The following PCDHGC5 variants were observed in gnomAD, a reference collection of about 807,000 sequenced individuals.
PCDHGC5 encodes the protein protocadherin gamma subfamily C, 5.
A neutral mutation model predicts 59.0 loss-of-function variants in PCDHGC5; 25 were observed. The ratio of observed to expected loss-of-function variants is 0.42; its 90% CI spans 0.31 to 0.59. The LOEUF is 0.59. PCDHGC5 is among the 20% of genes least tolerant of loss of function. The probability of loss-of-function intolerance (pLI) is 0.13; values close to 1 mark genes in which losing one functional copy is unlikely to be tolerated. For synonymous variants in PCDHGC5, 434 were observed against 505.5 expected (o/e 0.86, Z 1.90); for missense variants, 1,067 against 1,206.4 (o/e 0.88, Z 1.71).
intron 2 of PCDHGC5, among the ~76,000 whole-genome samples, chr5:141,499,209 C>G (rs1171702973): frequency 6.6e-6 from 1 of 152,096 alleles, no homozygotes; most frequent in Admixed American, 6.5e-5. Context: ...GGCTGTAACC[C>G]AGGCCCTGCC....
rs141034739 is a variant in PCDHGC5 at position 141,491,100 on chromosome 5, C to T, written c.1860C>T (p.Leu620=). The T allele has an allele frequency of 2.7e-4, 430 of 1,614,138 alleles. No homozygotes were observed. The African/African-American group carries it at 4.7e-3, about 18-fold the overall frequency. ...LPQSTAPGLF[L]VSTHTGEVRT... is the part of the protein sequence containing the mutation. ...AGTCCACAGCCCCAGGACTGTTCCT[C>T]GTGTCTACACACACTGGTGAGGTGC... The change falls in exon 1 of 4, where the codon CTC becomes CTT. Residue 620 remains leucine (L), a synonymous_variant. Transcript: ENST00000252087. The surrounding 1 kb of genome is among the most constrained non-coding windows in gnomAD (Gnocchi z 6.9).
In PCDHGC5 at chr5:141,490,682, C is replaced by T. The variant is rs1286126848; in HGVS notation, c.1442C>T (p.Pro481Leu). Residue 481 changes from proline to leucine, a missense_variant, in exon 1 of 4, where the codon CCA becomes CTA. Coordinates refer to ENST00000252087, the MANE Select transcript of PCDHGC5 (RefSeq NM_018929.3). The surrounding 1 kb of genome is among the most constrained non-coding windows in gnomAD (Gnocchi z 5.4). ...CTTTGCACTGTGGCTGCCTCAGATC[C>T]AGACACTGGGGATAATGCCCGCCTC... ...SLLCTVAASD[P>L]DTGDNARLTY... 10 of 1,614,054 alleles carry T rather than the reference C, an allele frequency of 6.2e-6. No homozygotes were observed. The highest frequency in any genetic ancestry group is 3.3e-5 in the Admixed American group (2 of 60,008).
At chr5:141,509,096 T>C (rs1364889034) in intron 3 of PCDHGC5, among the ~76,000 whole-genome samples, 1 of 152,124 alleles carries the variant, frequency 6.6e-6, no homozygotes, top group African/African-American at 2.4e-5. Context: ...ATGGGGGCTG[T>C]AGAAACCTGA....
chr5:141,491,316 T>C lies in PCDHGC5; in HGVS notation c.2076T>C (p.Leu692=). The C allele has an allele frequency of 3.1e-6, 5 of 1,614,176 alleles. No homozygotes were observed. The highest frequency in any genetic ancestry group is 3.4e-6 in the Non-Finnish European group (4 of 1,180,004). ...CTCCTGAGCGTTCAGACCTTACCCT[T>C]TACCTCATTGTGGCTCTAGCGACCG... is the stretch of plus-strand genomic sequence containing the variant. ...IHPPERSDLT[L]YLIVALATVS... is the part of the protein sequence containing the mutation. The change falls in exon 1 of 4, where the codon CTT becomes CTC. Residue 692 remains leucine (L), a synonymous_variant. Coordinates refer to ENST00000252087, the MANE Select transcript of PCDHGC5 (RefSeq NM_018929.3). The surrounding 1 kb of genome is among the most constrained non-coding windows in gnomAD (Gnocchi z 6.9).
chr5:141,497,825 C>T (rs1015168533), intron 2 of PCDHGC5, among the ~76,000 whole-genome samples: 3 of 152,154 alleles, frequency 2.0e-5, no homozygotes, highest in Admixed American at 6.5e-5. Context: ...CAGGTGTGAT[C>T]GCCCCCGGCC....
At chr5:141,509,782 C>A (rs2099878218) in intron 3 of PCDHGC5, among the ~76,000 whole-genome samples, 1 of 152,144 alleles carries the variant, frequency 6.6e-6, no homozygotes, top group Admixed American at 6.5e-5. Context: ...TCCCCGAGAT[C>A]ATCATCTCCT....
Position 141,491,590 on chromosome 5 carries a change from G to A in PCDHGC5, c.2350G>A (p.Gly784Ser), listed in dbSNP as rs376104513. ...GACGTGCTTTTCACCGGCCTCGGAC[G>A]GCAGTGACTTCACTTTTCTAAGACC... Reference protein sequence around the residue: ...YRTCFSPASDGSDFTFLRPLS... With the variant: ...YRTCFSPASDSSDFTFLRPLS... The change falls in exon 1 of 4, where the codon GGC becomes AGC. Residue 784 changes from glycine (G) to serine (S), a missense_variant. By Grantham distance (56) the Gly-to-Ser change is moderately conservative. Transcript: ENST00000252087. The surrounding 1 kb of genome is among the most constrained non-coding windows in gnomAD (Gnocchi z 6.9). 15 of 1,613,828 alleles carry A rather than the reference G, an allele frequency of 9.3e-6. No homozygotes were observed. In the African/African-American group the frequency reaches 2.0e-4, roughly 22 times the overall value.
intron 2 of PCDHGC5, among the ~76,000 whole-genome samples, chr5:141,503,570 G>T (rs996006002): frequency 3.4e-4 from 50 of 147,216 alleles, no homozygotes; most frequent in African/African-American, 1.2e-3. Context: ...CTGTACTCCA[G>T]CCTGGGTGAC....
At chr5:141,498,954 A>G (rs1180380627) in intron 2 of PCDHGC5, among the ~76,000 whole-genome samples, 2 of 134,538 alleles carry the variant, frequency 1.5e-5, no homozygotes, top group Non-Finnish European at 3.2e-5. Context: ...AGAAAAAGAG[A>G]GAGAGGGAGG....
chr5:141,492,050 C>CT, intron 1 of PCDHGC5: 1 of 501,102 alleles, frequency 2.0e-6, no homozygotes, highest in Non-Finnish European at 3.5e-6. Flanking sequence ...AGATCCACCC[C>CT]TGCAGCCAGC....
At position 141,489,244 on chromosome 5, in the gene PCDHGC5, G is replaced by A. The variant is rs145484133; in HGVS notation, c.4G>A (p.Gly2Arg). M[G>R]PKTLPQLAGK... ...TCCACAAAGGGACTTCTGGGTCATG[G>A]GGCCCAAGACACTCCCACAGCTCGC... Residue 2 changes from glycine (G) to arginine (R), a missense_variant, in exon 1 of 4, where the codon GGG becomes AGG. Coordinates refer to ENST00000252087, the MANE Select transcript of PCDHGC5 (RefSeq NM_018929.3). This position sits in a 1 kb window ranked among gnomAD's most constrained non-coding sequence, Gnocchi z 4.5. 5 of 1,534,936 alleles carry A rather than the reference G, an allele frequency of 3.3e-6. No individual in the cohort carries two copies. In the African/African-American group the frequency reaches 5.5e-5, roughly 17 times the overall value.
At position 141,511,436 on chromosome 5, in the gene PCDHGC5, T is replaced by C. The variant is rs1371734719; in HGVS notation, c.*263T>C. The C allele has an allele frequency of 1.5e-5, 11 of 718,486 alleles. No individual in the cohort carries two copies. The highest frequency in any genetic ancestry group is 2.2e-5 in the Non-Finnish European group (10 of 461,474). The allele number at this position is 718,486 out of a possible 1,614,324, so 44.5% of individuals were successfully genotyped here. The stretch of plus-strand genomic sequence containing the variant: ...ACCCATGGGGGTAGTGGGGTTACTG[T>C]AGACACCAAGAACCATTTGCCACAC... On this transcript the variant is annotated 3_prime_UTR_variant, in exon 4 of 4. Coordinates refer to ENST00000252087, the MANE Select transcript of PCDHGC5 (RefSeq NM_018929.3).
At position 141,510,984 on chromosome 5, in the gene PCDHGC5, C is replaced by T. The variant is rs375865663; in HGVS notation, c.2646C>T (p.Ala882=). The change falls in exon 4 of 4, where the codon GCC becomes GCT. Residue 882 remains alanine (A), a synonymous_variant. Coordinates refer to ENST00000252087, the MANE Select transcript of PCDHGC5 (RefSeq NM_018929.3). ...GGAGCTCCACCCTGGGAGGGGGTGC[C>T]GGCACCATGGGATTGAGCGCCCGCT... The part of the protein sequence containing the change: ...ADGSSTLGGG[A]GTMGLSARYG... 20 of 1,614,044 alleles carry T rather than the reference C, an allele frequency of 1.2e-5. No homozygotes were observed. The East Asian group carries it at 1.6e-4, about 13-fold the overall frequency.
At chr5:141,509,268 G>A (rs2099875959) in intron 3 of PCDHGC5, among the ~76,000 whole-genome samples, 1 of 152,150 alleles carries the variant, frequency 6.6e-6, no homozygotes, top group South Asian at 2.1e-4. Flanking sequence ...AGTCACTCTC[G>A]CTACCCGCTC....
rs1463716042 is a variant in PCDHGC5 at position 141,511,338 on chromosome 5, T to C, written c.*165T>C. 42 of 1,429,834 alleles carry C rather than the reference T, an allele frequency of 2.9e-5. No homozygotes were observed. The highest frequency in any genetic ancestry group is 3.9e-5 in the Non-Finnish European group (42 of 1,075,502). 88.6% of individuals were successfully genotyped at this position (1,429,834 alleles called of 1,614,324 possible). A position where few individuals can be genotyped will look rare whatever the true frequency, so the allele number is the denominator to read the frequency against. On this transcript the variant is annotated 3_prime_UTR_variant, in exon 4 of 4. Coordinates refer to ENST00000252087, the MANE Select transcript of PCDHGC5 (RefSeq NM_018929.3). ...CAGAAACAAGTGCCCAGTCAGCACC[T>C]ACCCCTTCCCCCCCAGGGGGTTGAA... is the stretch of plus-strand genomic sequence containing the variant.
In PCDHGC5 at chr5:141,512,739, T is replaced by C. The variant is rs1251649814; in HGVS notation, c.*1566T>C. The stretch of plus-strand genomic sequence containing the variant: ...GGCGGGTGGGCAGCGGGCGGCGGGC[T>C]CCGCGCAGCCGTCTGTCCTTGATCT... On this transcript the variant is annotated 3_prime_UTR_variant, in exon 4 of 4. Transcript: ENST00000252087. 1 of 152,822 alleles carries C rather than the reference T, an allele frequency of 6.5e-6. No individual in the cohort carries two copies. The highest frequency in any genetic ancestry group is 2.4e-5 in the African/African-American group (1 of 41,464). 9.5% of individuals were successfully genotyped at this position (152,822 alleles called of 1,614,324 possible).
rs11343387 is a variant in PCDHGC5 at position 141,497,209 on chromosome 5, TGG to T, written c.2519+2352_2519+2353del. On this transcript the variant is annotated intron_variant, in intron 2 of 3. Transcript: ENST00000252087. ...GAGGCAGAGAACAATGTGAGTGTAATGGGGGGGGGAAGATCAGAGAAGGCTTC... is the reference window on the plus strand; with the variant it reads ...GAGGCAGAGAACAATGTGAGTGTAATGGGGGGGAAGATCAGAGAAGGCTTC... Among the ~76,000 whole-genome samples the T allele has an allele frequency of 3.8e-3, 569 of 151,352 alleles. 5 individuals are homozygous for T. Among genetic ancestry groups the T allele is most frequent in the Admixed American group, 0.011 (162 of 15,190 alleles).
At position 141,491,700 on chromosome 5, in the gene PCDHGC5, G is replaced by A. The variant is rs1199177466; in HGVS notation, c.2460G>A (p.Gln820=). 3.1e-6 allele frequency: 5 copies of A among 1,611,830 alleles called. No homozygotes were observed. The highest frequency in any genetic ancestry group is 4.2e-6 in the Non-Finnish European group (5 of 1,179,142). Residue 820 remains glutamine, a splice_region_variant and synonymous_variant, in exon 1 of 4, where the codon CAG becomes CAA. Coordinates refer to ENST00000252087, the MANE Select transcript of PCDHGC5 (RefSeq NM_018929.3). The surrounding 1 kb of genome is among the most constrained non-coding windows in gnomAD (Gnocchi z 6.9). ...CTAATACGCTGCGGGAGCGGAGCCA[G>A]GTGAGGGGCTCGGCGCCGCCCCGGG... The part of the protein sequence containing the change: ...SRSNTLRERS[Q]QAPPNTDWRF...
At chr5:141,498,346 C>T (rs780832000) in intron 2 of PCDHGC5, among the ~76,000 whole-genome samples, 1 of 150,796 alleles carries the variant, frequency 6.6e-6, no homozygotes, top group Non-Finnish European at 1.5e-5. Context: ...ATGGGAAAAG[C>T]CTATGCAAAA....
Sources: gnomAD v4.1 joint callset for allele counts (sites outside exome capture counted in the v4.1 genomes callset) on GRCh38, gnomAD v4.1.1 for gene constraint, Gnocchi (gnomAD v3.1) non-coding constraint, MANE v1.5 for transcripts, NCBI Gene and HGNC (gene_info 2026-07-23, HGNC 2026-07-21) for gene names.